Variants in GLDC observed in about 807,000 individuals in gnomAD.
GLDC encodes the protein glycine dehydrogenase (decarboxylating), mitochondrial.
A neutral mutation model predicts 121.3 loss-of-function variants in GLDC; 104 were observed. The observed-to-expected ratio is 0.86, with a 90% CI of 0.73 to 1.01. The LOEUF (loss-of-function observed/expected upper bound fraction) is 1.01. Ranked by LOEUF, GLDC falls within the 50% of genes least tolerant of loss-of-function variation. GLDC has a pLI of 0.00. For missense variants in GLDC, 1,429 were observed against 1,306.6 expected, an observed-to-expected ratio of 1.09 and a Z score of -1.44; for synonymous variants, 546 against 480.6, an observed-to-expected ratio of 1.14 and a Z score of -1.78.
chr9:6,605,550 A>G (rs1320849454), intron 5 of GLDC, among the ~76,000 whole-genome samples: 1 of 152,114 alleles, frequency 6.6e-6, no homozygotes, highest in Non-Finnish European at 1.5e-5. Flanking sequence ...GAGGCCCAAG[A>G]GCATTGCTTC....
In GLDC at chr9:6,534,775, G is replaced by A. The variant is rs147472391; in HGVS notation, c.2852C>T (p.Ser951Phe). 3 of 1,597,952 alleles carry A rather than the reference G, an allele frequency of 1.9e-6. No individual in the cohort carries two copies. Among genetic ancestry groups the A allele is most frequent in the Non-Finnish European group, 2.6e-6 (3 of 1,165,302 alleles). Residue 951 changes from serine (S) to phenylalanine (F), a missense_variant, in exon 24 of 25, where the codon TCC becomes TTC. Transcript: ENST00000321612. ...GTGGGAAGATGTAACGCAGGTCAGG[G>A]AGTGTGGAGACATCTGAGACAGAGA... The part of the protein sequence containing the change: ...RVNPLKMSPH[S>F]LTCVTSSHWD...
At chr9:6,634,020 C>A (rs548380117) in intron 2 of GLDC, among the ~76,000 whole-genome samples, 1 of 151,188 alleles carries the variant, frequency 6.6e-6, no homozygotes, top group Non-Finnish European at 1.5e-5. Flanking sequence ...TTAGTAGAGA[C>A]GGGGTTTCAC....
intron 15 of GLDC, among the ~76,000 whole-genome samples, chr9:6,582,145 G>A (rs981894309): frequency 6.6e-5 from 10 of 150,424 alleles, no homozygotes; most frequent in African/African-American, 2.0e-4. Flanking sequence ...AACCTGAGAG[G>A]CGGAGGTTGC....
chr9:6,575,536 C>A (rs1209072580), intron 15 of GLDC, among the ~76,000 whole-genome samples: 1 of 152,192 alleles, frequency 6.6e-6, no homozygotes, highest in Non-Finnish European at 1.5e-5. Flanking sequence ...GATTCTCATG[C>A]ACAATTAATT....
intron 21 of GLDC, among the ~76,000 whole-genome samples, chr9:6,544,421 A>G (rs1817341396): frequency 6.6e-6 from 1 of 152,198 alleles, no homozygotes; most frequent in Admixed American, 6.5e-5. Context: ...AAAAAGGCAG[A>G]AGACCTGAGG....
intron 15 of GLDC, among the ~76,000 whole-genome samples, chr9:6,577,429 G>A (rs1266172620): frequency 6.6e-6 from 1 of 152,200 alleles, no homozygotes; most frequent in African/African-American, 2.4e-5. Context: ...ATATCCATCA[G>A]CTGATGGAGG....
chr9:6,632,750 G>C (rs1455043001), intron 2 of GLDC, among the ~76,000 whole-genome samples: 1 of 152,170 alleles, frequency 6.6e-6, no homozygotes, highest in African/African-American at 2.4e-5. Flanking sequence ...ATGTGGGTGG[G>C]GCTGCCCCAC....
intron 8 of GLDC, among the ~76,000 whole-genome samples, chr9:6,600,891 A>G (rs1428353394): frequency 6.6e-6 from 1 of 152,034 alleles, no homozygotes; most frequent in African/African-American, 2.4e-5. Context: ...AATGCCAGAC[A>G]TGGCCAGGTG....
intron 16 of GLDC, 28 bp from the exon 17 acceptor site, chr9:6,558,712 G>A (rs1817686099): frequency 6.2e-7 from 1 of 1,613,900 alleles, no homozygotes; most frequent in South Asian, 1.1e-5. Context: ...AGCAAAGAAA[G>A]AGCAAAATCA....
At chr9:6,561,693 G>C (rs1817763236) in intron 16 of GLDC, among the ~76,000 whole-genome samples, 1 of 152,100 alleles carries the variant, frequency 6.6e-6, no homozygotes, top group African/African-American at 2.4e-5. Flanking sequence ...GAAGTAACAC[G>C]ACCCAGATTT....
At chr9:6,545,384 T>A (rs530353077) in intron 21 of GLDC, among the ~76,000 whole-genome samples, 28 of 152,230 alleles carry the variant, frequency 1.8e-4, no homozygotes, top group Non-Finnish European at 3.8e-4. Flanking sequence ...TCTTAACATA[T>A]CTCAACATAG....
At chr9:6,588,542 G>C in intron 13 of GLDC, 76 bp downstream of exon 13, 1 of 1,444,500 alleles carries the variant, frequency 6.9e-7, no homozygotes, top group South Asian at 1.1e-5. Context: ...TGTTGCTCTT[G>C]GAGCATATTA....
Position 6,599,105 on chromosome 9 carries a change from A to C in GLDC, c.1155+3004T>G, listed in dbSNP as rs534671531. On this transcript the variant is annotated intron_variant, in intron 8 of 24. Transcript: ENST00000321612. ...AGGCTGAGGCAGGAGTATCGCTTGA[A>C]CCCGGAAGACGGAGGTTGCAGTGAG... is the stretch of plus-strand genomic sequence containing the variant. Among the ~76,000 whole-genome samples the C allele has an allele frequency of 1.9e-3, 279 of 150,536 alleles. 1 individual carries two copies. The highest frequency in any genetic ancestry group is 6.4e-3 in the African/African-American group (262 of 40,958).
Position 6,595,259 on chromosome 9 carries a change from G to T in GLDC, c.1156-140C>A, listed in dbSNP as rs138714590. On this transcript the variant is annotated intron_variant, in intron 8 of 24. Coordinates refer to ENST00000321612, the MANE Select transcript of GLDC (RefSeq NM_000170.3). ...TTTCCTACATTCTTTGATAGTTGGG[G>T]ACAATTAATATATAACCTGCCTGAC... 2.9e-4 allele frequency: 213 copies of T among 737,704 alleles called. 2 individuals are homozygous for T. In the East Asian group the frequency reaches 5.4e-3, roughly 19 times the overall value. 45.7% of individuals were successfully genotyped at this position (737,704 alleles called of 1,614,324 possible).
intron 11 of GLDC, 51 bp from the exon 12 acceptor site, chr9:6,589,343 A>T (rs1412991031): frequency 9.0e-7 from 1 of 1,107,484 alleles, no homozygotes; most frequent in Non-Finnish European, 1.4e-6. Context: ...CTGGAGCCAC[A>T]TGTGGACATC....
intron 2 of GLDC, among the ~76,000 whole-genome samples, chr9:6,625,219 G>A (rs907887999): frequency 1.6e-4 from 25 of 152,026 alleles, no homozygotes; most frequent in Non-Finnish European, 2.9e-4. Context: ...TGACCCGGCC[G>A]GAGGTCAAAC....
At chr9:6,552,624 T>G (rs1421952409) in intron 20 of GLDC, among the ~76,000 whole-genome samples, 1 of 152,198 alleles carries the variant, frequency 6.6e-6, no homozygotes, top group Non-Finnish European at 1.5e-5. Context: ...TTTTGGGGGT[T>G]TTGTTTCAGT....
intron 15 of GLDC, among the ~76,000 whole-genome samples, chr9:6,570,536 T>C (rs1382090584): frequency 6.6e-6 from 1 of 152,200 alleles, no homozygotes; most frequent in Non-Finnish European, 1.5e-5. Flanking sequence ...TGGACCTATT[T>C]TACTTCTTAT....
intron 2 of GLDC, among the ~76,000 whole-genome samples, chr9:6,629,085 T>C (rs1819307549): frequency 6.6e-6 from 1 of 151,838 alleles, no homozygotes. Flanking sequence ...GCTTCCTCTT[T>C]ACATCATTCC....
Sources: gnomAD v4.1 joint callset for allele counts (sites outside exome capture counted in the v4.1 genomes callset) on GRCh38, gnomAD v4.1.1 for gene constraint, MANE v1.5 for transcripts, NCBI Gene and HGNC (gene_info 2026-07-23, HGNC 2026-07-21) for gene names.